Variants in CTNNA2 observed in about 807,000 individuals in gnomAD.
The protein encoded by CTNNA2 is catenin alpha-2.
Under a neutral mutation model 101.0 loss-of-function variants are expected in CTNNA2, and 42 were observed. That is an observed-to-expected ratio of 0.42 (90% CI 0.32 to 0.54). The LOEUF is 0.54. Ranked by LOEUF, CTNNA2 falls within the 20% of genes least tolerant of loss-of-function variation. The pLI is 0.14. For synonymous variants in CTNNA2, 450 were observed against 456.4 expected (o/e 0.99, Z 0.18); for missense variants, 871 against 1,223.1 (o/e 0.71, Z 4.29).
intron 8 of CTNNA2, among the ~76,000 whole-genome samples, chr2:80,409,536 C>G (rs1471274836): frequency 6.6e-6 from 1 of 152,102 alleles, no homozygotes; most frequent in East Asian, 1.9e-4. Flanking sequence ...GATGGCTTGT[C>G]TTGTTTTCTT....
chr2:79,450,374 A>C (rs1163041088), intron 4 of CTNNA2, among the ~76,000 whole-genome samples: 1 of 151,994 alleles, frequency 6.6e-6, no homozygotes, highest in East Asian at 1.9e-4. Context: ...CCCATGCTTT[A>C]TTTACATATG....
At chr2:79,757,618 G>A (rs1672484315) in intron 3 of CTNNA2, among the ~76,000 whole-genome samples, 2 of 152,196 alleles carry the variant, frequency 1.3e-5, no homozygotes, top group South Asian at 2.1e-4. Context: ...AAGAGTCAGG[G>A]AAGTGACTAA....
chr2:79,235,443 C>T (rs1674543659), intron 2 of CTNNA2, among the ~76,000 whole-genome samples: 1 of 151,880 alleles, frequency 6.6e-6, no homozygotes, highest in African/African-American at 2.4e-5. Context: ...GAGATGGCCC[C>T]CTCACCTGGT....
chr2:79,436,538 G>C (rs1184658441), intron 4 of CTNNA2, among the ~76,000 whole-genome samples: 2 of 152,116 alleles, frequency 1.3e-5, no homozygotes, highest in Non-Finnish European at 2.9e-5. Flanking sequence ...TCTGGGGTCT[G>C]TTCTGGGCAG....
At position 80,144,095 on chromosome 2, in the gene CTNNA2, C is replaced by T. The variant is rs114645407; in HGVS notation, c.1056+234298C>T. Among the ~76,000 whole-genome samples, 645 of 152,156 alleles carry T rather than the reference C, an allele frequency of 4.2e-3. 5 individuals are homozygous for T. The highest frequency in any genetic ancestry group is 0.015 in the African/African-American group (609 of 41,520). On this transcript the variant is annotated intron_variant, in intron 7 of 18. Coordinates refer to ENST00000402739, the MANE Select transcript of CTNNA2 (RefSeq NM_001282597.3). Reference sequence around the variant, plus strand: ...TGTTAGGTTTTTGTCACTTTTGCCCCGTGCAATCTTTTAGCTCTAACACAA... The same window carrying T: ...TGTTAGGTTTTTGTCACTTTTGCCCTGTGCAATCTTTTAGCTCTAACACAA...
At chr2:79,807,850 A>C (rs778304944) in intron 3 of CTNNA2, among the ~76,000 whole-genome samples, 9 of 152,184 alleles carry the variant, frequency 5.9e-5, no homozygotes, top group Non-Finnish European at 1.0e-4. Flanking sequence ...ATAGTCTTCT[A>C]GTATGGTAAC....
chr2:80,201,554 T>C (rs1707214071), intron 7 of CTNNA2, among the ~76,000 whole-genome samples: 1 of 151,852 alleles, frequency 6.6e-6, no homozygotes, highest in Non-Finnish European at 1.5e-5. Flanking sequence ...TGTGTATTTT[T>C]TTAGTAGAGA....
intron 7 of CTNNA2, among the ~76,000 whole-genome samples, chr2:79,953,642 G>T (rs532509670): frequency 6.6e-6 from 1 of 152,326 alleles, no homozygotes; most frequent in Admixed American, 6.5e-5. Flanking sequence ...CTGCCATCTT[G>T]TGCCTGCTTC....
chr2:80,353,850 G>T (rs1455111945), intron 7 of CTNNA2, among the ~76,000 whole-genome samples: 1 of 152,094 alleles, frequency 6.6e-6, no homozygotes, highest in South Asian at 2.1e-4. Flanking sequence ...TATCTTAGTG[G>T]CTTGAATTAA....
chr2:80,067,222 A>C (rs760862334), intron 7 of CTNNA2, among the ~76,000 whole-genome samples: 23 of 152,162 alleles, frequency 1.5e-4, no homozygotes, highest in Non-Finnish European at 2.6e-4. Context: ...GTAGATTTTA[A>C]GTGTTCGCAT....
intron 3 of CTNNA2, among the ~76,000 whole-genome samples, chr2:79,347,654 T>A (rs1252284696): frequency 6.6e-6 from 1 of 152,200 alleles, no homozygotes; most frequent in African/African-American, 2.4e-5. Context: ...TACATGTACA[T>A]ACTGACTGGC....
At chr2:79,732,675 A>G (rs1324580058) in intron 2 of CTNNA2, among the ~76,000 whole-genome samples, 1 of 152,116 alleles carries the variant, frequency 6.6e-6, no homozygotes, top group Non-Finnish European at 1.5e-5. Flanking sequence ...TGTTAACTGT[A>G]TACGATGATA....
chr2:79,386,317 C>T (rs1445445164), intron 4 of CTNNA2, among the ~76,000 whole-genome samples: 1 of 152,186 alleles, frequency 6.6e-6, no homozygotes, highest in Non-Finnish European at 1.5e-5. Context: ...ATCTGGGACT[C>T]AGGAATCTTT....
intron 4 of CTNNA2, among the ~76,000 whole-genome samples, chr2:79,494,887 G>T (rs1573192270): frequency 1.3e-5 from 2 of 152,032 alleles, no homozygotes; most frequent in African/African-American, 4.8e-5. Context: ...AAGGCGGGCG[G>T]ATCACGAGGT....
In CTNNA2 at chr2:80,177,258, G is replaced by A. The variant is rs111631976; in HGVS notation, c.1057-215953G>A. ...CATGATGGTGGATAAGGCATTATGT[G>A]AGTCCATGGATGGTAGTCTCGGCAG... On this transcript the variant is annotated intron_variant, in intron 7 of 18. Transcript: ENST00000402739. Among the ~76,000 whole-genome samples the A allele has an allele frequency of 4.0e-3, 616 of 152,278 alleles. 6 individuals carry two copies. Among genetic ancestry groups the A allele is most frequent in the African/African-American group, 0.014 (581 of 41,546 alleles).
chr2:79,591,468 A>AG (rs2103984936), intron 1 of CTNNA2, among the ~76,000 whole-genome samples: 1 of 56,104 alleles, frequency 1.8e-5, no homozygotes, highest in South Asian at 7.1e-4. Context: ...ACTAACCCTG[A>AG]GGGGGAAAAA....
Position 80,396,745 on chromosome 2 carries a change from TAATA to T in CTNNA2, c.1137+3460_1137+3463del, listed in dbSNP as rs141429795. Among the ~76,000 whole-genome samples, 286 of 152,334 alleles carry T rather than the reference TAATA, an allele frequency of 1.9e-3. 2 individuals carry two copies. The highest frequency in any genetic ancestry group is 6.7e-3 in the African/African-American group (277 of 41,562). On this transcript the variant is annotated intron_variant, in intron 8 of 18. Transcript: ENST00000402739. ...ACCCAAACATTTCTCTCTGAGAAGCTAATAAATAATATCTATGACATTGCAATGT... is the reference window on the plus strand; with the variant it reads ...ACCCAAACATTTCTCTCTGAGAAGCTAATAATATCTATGACATTGCAATGT...
At chr2:79,698,021 G>A (rs914661394) in intron 2 of CTNNA2, 2 of 151,972 alleles carry the variant, frequency 1.3e-5, no homozygotes, top group Non-Finnish European at 2.9e-5. Flanking sequence ...ATTCTAAACA[G>A]TATTCGTGAT....
At chr2:79,474,912 G>A (rs1671035485) in intron 4 of CTNNA2, among the ~76,000 whole-genome samples, 4 of 152,192 alleles carry the variant, frequency 2.6e-5, no homozygotes, top group Non-Finnish European at 5.9e-5. Context: ...CCAGGGTATA[G>A]GCTCTTTCTA....
Sources: gnomAD v4.1 joint callset for allele counts (sites outside exome capture counted in the v4.1 genomes callset) on GRCh38, gnomAD v4.1.1 for gene constraint, MANE v1.5 for transcripts, NCBI Gene and HGNC (gene_info 2026-07-23, HGNC 2026-07-21) for gene names.